The following ALDH1A3 variants were observed in gnomAD, a reference collection of about 807,000 sequenced individuals.
ALDH1A3 encodes the protein retinaldehyde dehydrogenase 3.
ALDH1A3 carries 28 observed loss-of-function variants against 57.5 expected under a neutral mutation model. The observed-to-expected ratio is 0.49, with a 90% CI of 0.36 to 0.67. The LOEUF (loss-of-function observed/expected upper bound fraction) is 0.67, where lower values mean the gene tolerates loss of function less well. Ranked by LOEUF, ALDH1A3 falls within the 30% of genes least tolerant of loss-of-function variation. The pLI is 0.00. For missense variants in ALDH1A3, 507 were observed against 669.4 expected (o/e 0.76, Z 2.68); for synonymous variants, 281 against 264.8 (o/e 1.06, Z -0.59).
intron 12 of ALDH1A3, chr15:100,914,000 A>G (rs1199767546): frequency 6.6e-6 from 1 of 152,412 alleles, no homozygotes; most frequent in East Asian, 1.9e-4. Flanking sequence ...TACCCTGAAG[A>G]CGGCCCATGG....
intron 1 of ALDH1A3, chr15:100,881,040 A>T (rs750731519): frequency 2.6e-5 from 4 of 152,298 alleles, no homozygotes; most frequent in African/African-American, 4.8e-5. Context: ...ACTCCAGCTG[A>T]CACCGCACTT....
At chr15:100,909,076 C>CAT (rs2041854961) in intron 12 of ALDH1A3, among the ~76,000 whole-genome samples, 1 of 148,024 alleles carries the variant, frequency 6.8e-6, no homozygotes, top group African/African-American at 2.5e-5. Context: ...AAACCCTCCA[C>CAT]GCGTGCATGT....
intron 12 of ALDH1A3, among the ~76,000 whole-genome samples, chr15:100,912,483 T>C (rs1258983474): frequency 1.3e-5 from 2 of 152,202 alleles, no homozygotes; most frequent in African/African-American, 4.8e-5. Context: ...TTTTCTAGTT[T>C]GTCATTTGGG....
At chr15:100,909,823 T>C (rs1031418970) in intron 12 of ALDH1A3, among the ~76,000 whole-genome samples, 3 of 152,214 alleles carry the variant, frequency 2.0e-5, no homozygotes, top group African/African-American at 7.2e-5. Context: ...GACAAACATT[T>C]TGTAGGATCA....
At position 100,916,357 on chromosome 15, in the gene ALDH1A3, T is replaced by C. The variant is rs1156349443; in HGVS notation, c.*1584T>C. 1 of 152,512 alleles carries C rather than the reference T, an allele frequency of 6.6e-6. No individual in the cohort carries two copies. The highest frequency in any genetic ancestry group is 1.5e-5 in the Non-Finnish European group (1 of 68,042). 9.4% of individuals were successfully genotyped at this position (152,512 alleles called of 1,614,324 possible). A position where few individuals can be genotyped will look rare whatever the true frequency, so the allele number is the denominator to read the frequency against. On this transcript the variant is annotated 3_prime_UTR_variant, in exon 13 of 13. Transcript: ENST00000329841. Reference sequence around the variant, plus strand: ...GGGTTCCTATTCTTCCATTGTACGATAATGTCTTTAATATGAAATGCTACA... The same window carrying C: ...GGGTTCCTATTCTTCCATTGTACGACAATGTCTTTAATATGAAATGCTACA...
Position 100,900,213 on chromosome 15 carries a change from C to A in ALDH1A3, c.884-362C>A, listed in dbSNP as rs568871522. Among the ~76,000 whole-genome samples the A allele has an allele frequency of 7.7e-4, 118 of 152,298 alleles. 1 individual carries two copies. Among genetic ancestry groups the A allele is most frequent in the South Asian group, 6.0e-3 (29 of 4,814 alleles). On this transcript the variant is annotated intron_variant, in intron 8 of 12. Transcript: ENST00000329841. ...GCCAGGGGGCCTACATCAATAATTA[C>A]CGAAGTTTATTCTATAAAACATTAG...
At chr15:100,882,616 A>G (rs1204245739) in intron 1 of ALDH1A3, among the ~76,000 whole-genome samples, 1 of 152,208 alleles carries the variant, frequency 6.6e-6, no homozygotes, top group Non-Finnish European at 1.5e-5. Flanking sequence ...TCTGCCTGAG[A>G]CACCTTACAG....
intron 10 of ALDH1A3, 59 bp from the exon 11 acceptor site, chr15:100,907,062 C>G: frequency 6.4e-7 from 1 of 1,553,682 alleles, no homozygotes; most frequent in Non-Finnish European, 8.8e-7. Flanking sequence ...AATGCTTGTT[C>G]ACAGCATGCA....
At chr15:100,898,985 C>T (rs2041740060) in intron 8 of ALDH1A3, among the ~76,000 whole-genome samples, 1 of 152,140 alleles carries the variant, frequency 6.6e-6, no homozygotes, top group Admixed American at 6.5e-5. Flanking sequence ...AAATTCCTGT[C>T]GTGGAGAACA....
Position 100,887,016 on chromosome 15 carries a change from C to G in ALDH1A3, c.205-556C>G, listed in dbSNP as rs2041601633. ...CTGAGGCAGCCAGTGGAAAGTCCTT[C>G]CGTACTTGGGTCCCTGAGAAAAATA... On this transcript the variant is annotated intron_variant, in intron 2 of 12. Coordinates refer to ENST00000329841, the MANE Select transcript of ALDH1A3 (RefSeq NM_000693.4). The surrounding 1 kb of genome is among the most constrained non-coding windows in gnomAD (Gnocchi z 4.6). 6.6e-6 allele frequency among the ~76,000 whole-genome samples: 1 copy of G among 152,202 alleles called. No individual in the cohort carries two copies. Among genetic ancestry groups the G allele is most frequent in the South Asian group, 2.1e-4 (1 of 4,826 alleles).
intron 11 of ALDH1A3, among the ~76,000 whole-genome samples, chr15:100,907,660 A>G (rs1190471263): frequency 6.6e-6 from 1 of 152,012 alleles, no homozygotes; most frequent in Non-Finnish European, 1.5e-5. Context: ...CTCATCAGTA[A>G]TTCTGCAGAT....
In ALDH1A3 at chr15:100,916,175, A is replaced by C. The variant is rs1257844485; in HGVS notation, c.*1402A>C. On this transcript the variant is annotated 3_prime_UTR_variant, in exon 13 of 13. Transcript: ENST00000329841. ...AAAATGGGCCTATCACCCTTGTCAG[A>C]GATATAAATTACCACATTTGCCTTC... is the stretch of plus-strand genomic sequence containing the variant. 1 of 152,196 alleles carries C rather than the reference A, an allele frequency of 6.6e-6. No homozygotes were observed. Among genetic ancestry groups the C allele is most frequent in the Non-Finnish European group, 1.5e-5 (1 of 68,036 alleles). 9.4% of individuals were successfully genotyped at this position (152,196 alleles called of 1,614,324 possible). A position where few individuals can be genotyped will look rare whatever the true frequency, so the allele number is the denominator to read the frequency against.
rs766003297 is a variant in ALDH1A3 at position 100,894,399 on chromosome 15, G to A, written c.666+317G>A. 1.9e-5 allele frequency: 5 copies of A among 261,410 alleles called. No individual in the cohort carries two copies. The highest frequency in any genetic ancestry group is 3.7e-5 in the Non-Finnish European group (5 of 135,642). The allele number at this position is 261,410 out of a possible 1,614,324, so 16.2% of individuals were successfully genotyped here. On this transcript the variant is annotated intron_variant, in intron 6 of 12. Transcript: ENST00000329841. This position sits in a 1 kb window ranked among gnomAD's most constrained non-coding sequence, Gnocchi z 4.5. ...CAACCAAGAGGGAGCCAAATATTTG[G>A]GAGGTTCTCTGGGATTTGCATTCTC...
At chr15:100,907,844 CTTTT>C (rs71151987) in intron 11 of ALDH1A3, among the ~76,000 whole-genome samples, 2 of 81,910 alleles carry the variant, frequency 2.4e-5, no homozygotes, top group East Asian at 4.3e-4. Context: ...TTCTTTCTTT[CTTTT>C]TTTTTTTTTT....
chr15:100,880,077 G>C, intron 1 of ALDH1A3, 71 bp downstream of exon 1: 1 of 1,166,390 alleles, frequency 8.6e-7, no homozygotes, highest in Non-Finnish European at 1.1e-6. Context: ...GGGGCGGCGG[G>C]GGCGAGGGAG....
chr15:100,885,220 A>G (rs766797545), intron 1 of ALDH1A3, 47 bp from the exon 2 acceptor site: 1 of 1,355,832 alleles, frequency 7.4e-7, no homozygotes, highest in Admixed American at 1.7e-5. Flanking sequence ...TTGAAATTAT[A>G]TGATTTTGAT....
At chr15:100,890,837 G>A (rs1354498906) in intron 3 of ALDH1A3, among the ~76,000 whole-genome samples, 1 of 152,210 alleles carries the variant, frequency 6.6e-6, no homozygotes, top group African/African-American at 2.4e-5. Flanking sequence ...GTCAGTCTTA[G>A]AGGCCTTTTT....
intron 10 of ALDH1A3, 91 bp from the exon 11 acceptor site, chr15:100,907,030 G>A: frequency 6.9e-6 from 10 of 1,451,626 alleles, no homozygotes; most frequent in Non-Finnish European, 8.4e-6. Flanking sequence ...CTGGGCATAT[G>A]AAAAACATGT....
At position 100,889,154 on chromosome 15, in the gene ALDH1A3, C is replaced by T. The variant is rs1005508266; in HGVS notation, c.345+1442C>T. 3.3e-5 allele frequency: 5 copies of T among 152,216 alleles called. No individual in the cohort carries two copies. The highest frequency in any genetic ancestry group is 7.3e-5 in the Non-Finnish European group (5 of 68,044). 9.4% of individuals were successfully genotyped at this position (152,216 alleles called of 1,614,324 possible). A position where few individuals can be genotyped will look rare whatever the true frequency, so the allele number is the denominator to read the frequency against. On this transcript the variant is annotated intron_variant, in intron 3 of 12. Transcript: ENST00000329841. This position sits in a 1 kb window ranked among gnomAD's most constrained non-coding sequence, Gnocchi z 5.1. ...CTTGTTTTTAAAAGTTGTTCCAAAC[C>T]TTGAGGCCCGGTTGTAGGGGAGGAG...
Sources: allele counts gnomAD v4.1 joint callset (sites outside exome capture counted in the v4.1 genomes callset), GRCh38; gene constraint gnomAD v4.1.1; non-coding constraint Gnocchi (gnomAD v3.1); transcripts MANE v1.5; gene names NCBI Gene and HGNC (gene_info 2026-07-23, HGNC 2026-07-21).